Variants in VRTN observed in about 807,000 individuals in gnomAD.
VRTN encodes vertnin.
VRTN carries 5 observed loss-of-function variants against 18.2 expected under a neutral mutation model. The ratio of observed to expected loss-of-function variants is 0.27; its 90% CI spans 0.14 to 0.58. VRTN has a LOEUF of 0.58. Among genes scored for constraint, VRTN ranks in the 20% least tolerant of loss-of-function variants. The pLI, the probability that VRTN is intolerant of heterozygous loss-of-function variation, is 0.91. For synonymous variants in VRTN, 381 were observed against 393.7 expected, an observed-to-expected ratio of 0.97 and a Z score of 0.38; for missense variants, 741 against 939.4, an observed-to-expected ratio of 0.79 and a Z score of 2.76.
intron 1 of VRTN, among the ~76,000 whole-genome samples, chr14:74,332,693 C>G (rs955806696): frequency 6.6e-6 from 1 of 151,970 alleles, no homozygotes; most frequent in South Asian, 2.1e-4. Flanking sequence ...CTTTAACAAC[C>G]AGTGCCCTTG....
intron 2 of VRTN, among the ~76,000 whole-genome samples, chr14:74,339,868 T>G (rs2085589288): frequency 6.6e-6 from 1 of 152,148 alleles, no homozygotes; most frequent in African/African-American, 2.4e-5. Flanking sequence ...AGACTAGCAG[T>G]AATTGGATTT....
At chr14:74,330,588 T>C (rs1046221409) in intron 1 of VRTN, among the ~76,000 whole-genome samples, 55 of 152,002 alleles carry the variant, frequency 3.6e-4, no homozygotes, top group African/African-American at 1.2e-3. Context: ...ATTACAGGCA[T>C]GTGCCACCAC....
rs1233294142 is a variant in VRTN at position 74,358,308 on chromosome 14, A to T, written c.1525A>T (p.Arg509Trp). 6.2e-7 allele frequency: 1 copy of T among 1,610,956 alleles called. No individual in the cohort carries two copies. The highest frequency in any genetic ancestry group is 1.3e-5 in the African/African-American group (1 of 74,866). Residue 509 changes from arginine (R) to tryptophan (W), a missense_variant, in exon 2 of 2, where the codon AGG becomes TGG. Transcript: ENST00000256362. This position sits in a 1 kb window ranked among gnomAD's most constrained non-coding sequence, Gnocchi z 5.4. ...PLRMPLSRWQ[R>W]RLRRAARRQV... ...AAGGATGCCCCTGTCCCGTTGGCAGAGGCGTCTGCGCAGGGCTGCCCGCAG... is the reference window on the plus strand; with the variant it reads ...AAGGATGCCCCTGTCCCGTTGGCAGTGGCGTCTGCGCAGGGCTGCCCGCAG...
chr14:74,358,404 T>G lies in VRTN; in HGVS notation c.1621T>G (p.Phe541Val). The change falls in exon 2 of 2, where the codon TTT becomes GTT. Residue 541 changes from phenylalanine (F) to valine (V), a missense_variant. By Grantham distance (50) the Phe-to-Val change is conservative. This residue lies in a region of VRTN where 494 missense variants were observed against 546.5 expected (regional missense o/e 0.90). Coordinates refer to ENST00000256362, the MANE Select transcript of VRTN (RefSeq NM_018228.3). The surrounding 1 kb of genome is among the most constrained non-coding windows in gnomAD (Gnocchi z 5.4). ...LRYPSLSPSAFWVWKSLARGW... is the reference protein window; with the variant it reads ...LRYPSLSPSAVWVWKSLARGW... The stretch of plus-strand genomic sequence containing the variant: ...CTACCCCAGCCTGTCACCTTCTGCC[T>G]TTTGGGTCTGGAAGAGTCTTGCTCG... 6.2e-7 allele frequency: 1 copy of G among 1,614,150 alleles called. No homozygotes were observed. Among genetic ancestry groups the G allele is most frequent in the Non-Finnish European group, 8.5e-7 (1 of 1,180,040 alleles).
chr14:74,339,480 G>A (rs1047134894), intron 2 of VRTN, among the ~76,000 whole-genome samples: 2 of 151,984 alleles, frequency 1.3e-5, no homozygotes, highest in African/African-American at 4.8e-5. Context: ...GGGTGGAGGA[G>A]GGGGAGAGAA....
upstream of VRTN, among the ~76,000 whole-genome samples, chr14:74,344,773 T>C (rs1157762706): frequency 9.0e-6 from 1 of 110,658 alleles, no homozygotes; most frequent in Non-Finnish European, 1.9e-5. Context: ...TGTAAAAATA[T>C]GTGTGTAACC....
chr14:74,329,565 G>T (rs2140200714), intron 1 of VRTN, among the ~76,000 whole-genome samples: 2 of 151,800 alleles, frequency 1.3e-5, no homozygotes. Context: ...GAGCCATAGT[G>T]CCTGGCCTGT....
At chr14:74,316,765 T>G (rs2085421458) in intron 1 of VRTN, among the ~76,000 whole-genome samples, 1 of 150,092 alleles carries the variant, frequency 6.7e-6, no homozygotes. Flanking sequence ...GCCTCCCGAG[T>G]AGCTGGGACT....
At chr14:74,333,788 C>T (rs921542626) in intron 1 of VRTN, among the ~76,000 whole-genome samples, 17 of 151,294 alleles carry the variant, frequency 1.1e-4, no homozygotes, top group African/African-American at 4.1e-4. Flanking sequence ...TGCGGTGAGC[C>T]AAGATCGCGC....
chr14:74,355,747 G>A (rs1351203682), intron 1 of VRTN, among the ~76,000 whole-genome samples: 1 of 151,584 alleles, frequency 6.6e-6, no homozygotes. Context: ...CACTATGTTG[G>A]CCAGGCTGGC....
In VRTN at chr14:74,356,917, C is replaced by A. The variant is rs746835058; in HGVS notation, c.134C>A (p.Thr45Asn). The change falls in exon 2 of 2, where the codon ACC becomes AAC. Residue 45 changes from threonine to asparagine, a missense_variant. Physicochemically the swap from Thr to Asn is moderately conservative, Grantham distance 65. Coordinates refer to ENST00000256362, the MANE Select transcript of VRTN (RefSeq NM_018228.3). ...KQVLSSFTLP[T>N]CREGGPGLQV... ...GTCCTGTCTTCCTTCACTCTCCCCACCTGCCGGGAGGGAGGCCCTGGCCTC... is the reference window on the plus strand; with the variant it reads ...GTCCTGTCTTCCTTCACTCTCCCCAACTGCCGGGAGGGAGGCCCTGGCCTC... 3 of 1,614,020 alleles carry A rather than the reference C, an allele frequency of 1.9e-6. No individual in the cohort carries two copies. The highest frequency in any genetic ancestry group is 3.3e-5 in the Admixed American group (2 of 59,998).
chr14:74,358,310 G>A lies in VRTN; in HGVS notation c.1527G>A (p.Arg509=). 1 of 1,611,246 alleles carries A rather than the reference G, an allele frequency of 6.2e-7. No homozygotes were observed. The highest frequency in any genetic ancestry group is 8.5e-7 in the Non-Finnish European group (1 of 1,178,272). The stretch of plus-strand genomic sequence containing the variant: ...GGATGCCCCTGTCCCGTTGGCAGAG[G>A]CGTCTGCGCAGGGCTGCCCGCAGGC... ...PLRMPLSRWQ[R]RLRRAARRQV... Residue 509 remains arginine, a synonymous_variant, in exon 2 of 2, where the codon AGG becomes AGA. Coordinates refer to ENST00000256362, the MANE Select transcript of VRTN (RefSeq NM_018228.3). The surrounding 1 kb of genome is among the most constrained non-coding windows in gnomAD (Gnocchi z 5.4).
chr14:74,331,549 T>TATATATAA (rs2085525531), intron 1 of VRTN, among the ~76,000 whole-genome samples: 3 of 30,518 alleles, frequency 9.8e-5, no homozygotes, highest in Non-Finnish European at 1.6e-4. Flanking sequence ...AAATTTTATA[T>TATATATAA]ATATATATAT....
chr14:74,343,405 C>T (rs1567043654), intron 2 of VRTN, among the ~76,000 whole-genome samples: 1 of 152,020 alleles, frequency 6.6e-6, no homozygotes, highest in Non-Finnish European at 1.5e-5. Flanking sequence ...GGATTACAGG[C>T]GTGAGCCACC....
chr14:74,353,310 T>G (rs1267454342), intron 1 of VRTN, among the ~76,000 whole-genome samples: 3 of 152,086 alleles, frequency 2.0e-5, no homozygotes, highest in Non-Finnish European at 4.4e-5. Context: ...AAAAAAGTGT[T>G]TGGTTTCAAC....
At chr14:74,322,517 C>T (rs531701904) in intron 1 of VRTN, among the ~76,000 whole-genome samples, 1 of 152,254 alleles carries the variant, frequency 6.6e-6, no homozygotes, top group African/African-American at 2.4e-5. Context: ...ATCGTTTGTT[C>T]TCCCCTTGGT....
At chr14:74,316,008 C>T (rs1408068271) in intron 1 of VRTN, among the ~76,000 whole-genome samples, 2 of 152,200 alleles carry the variant, frequency 1.3e-5, no homozygotes, top group Non-Finnish European at 1.5e-5. Context: ...CAGGCAAATT[C>T]TCTCTTGTAG....
intron 1 of VRTN, among the ~76,000 whole-genome samples, chr14:74,320,066 T>G (rs2085443309): frequency 6.6e-6 from 1 of 152,064 alleles, no homozygotes; most frequent in South Asian, 2.1e-4. Flanking sequence ...GAGACCTCCC[T>G]CTTTACAAAA....
At chr14:74,307,528 A>T (rs1307311452) in intron 1 of VRTN, among the ~76,000 whole-genome samples, 2 of 152,126 alleles carry the variant, frequency 1.3e-5, no homozygotes, top group African/African-American at 4.8e-5. Context: ...TTTCACAATA[A>T]AAAAGAGTGT....
Sources: allele counts gnomAD v4.1 joint callset (sites outside exome capture counted in the v4.1 genomes callset), GRCh38; gene constraint gnomAD v4.1.1; regional missense constraint gnomAD v4.1.1; non-coding constraint Gnocchi (gnomAD v3.1); transcripts MANE v1.5; gene names NCBI Gene and HGNC (gene_info 2026-07-23, HGNC 2026-07-21).